Variants in MTF1 observed in about 807,000 individuals in gnomAD.
MTF1 encodes the protein metal regulatory transcription factor 1.
Under a neutral mutation model 70.4 loss-of-function variants are expected in MTF1, and 22 were observed. The ratio of observed to expected loss-of-function variants is 0.31; its 90% CI spans 0.22 to 0.45. MTF1 has a LOEUF of 0.45. MTF1 is among the 20% of genes least tolerant of loss of function. MTF1 has a pLI of 1.00. For missense variants in MTF1, 649 were observed against 922.0 expected (o/e 0.70, Z 3.83); for synonymous variants, 333 against 352.8 (o/e 0.94, Z 0.63).
intron 2 of MTF1, among the ~76,000 whole-genome samples, chr1:37,842,638 G>A (rs772065286): frequency 1.3e-5 from 2 of 152,142 alleles, no homozygotes; most frequent in African/African-American, 2.4e-5. Flanking sequence ...ATCTCCCAAA[G>A]ATCCTCATAT....
rs1450897779 is a variant in MTF1 at position 37,835,675 on chromosome 1, A to G, written c.849T>C (p.His283=). The G allele has an allele frequency of 1.9e-6, 3 of 1,613,960 alleles. No individual in the cohort carries two copies. Among genetic ancestry groups the G allele is most frequent in the African/African-American group, 2.7e-5 (2 of 75,058 alleles). ...SHHLKTHVRT[H]TGERPFFCPS... ...CAAAAATTGGCCTAAACTCACCAGTATGTGTACGAACGTGAGTTTTAAGGT... is the reference window on the plus strand; with the variant it reads ...CAAAAATTGGCCTAAACTCACCAGTGTGTGTACGAACGTGAGTTTTAAGGT... Residue 283 remains histidine (H), a synonymous_variant, in exon 5 of 11, where the codon CAT becomes CAC. Coordinates refer to ENST00000373036, the MANE Select transcript of MTF1 (RefSeq NM_005955.3).
At position 37,840,226 on chromosome 1, in the gene MTF1, A is replaced by T; in HGVS notation, c.409-68T>A. ...CCCAGGGCTTAACTCCCCCACCCAG[A>T]GCTCAGCTCCCAAGAGATGCTGTGG... On this transcript the variant is annotated intron_variant, in intron 2 of 10. Transcript: ENST00000373036. This position sits in a 1 kb window ranked among gnomAD's most constrained non-coding sequence, Gnocchi z 4.5. The T allele has an allele frequency of 7.2e-7, 1 of 1,397,586 alleles. No homozygotes were observed. Among genetic ancestry groups the T allele is most frequent in the Non-Finnish European group, 1.0e-6 (1 of 989,262 alleles). The allele number at this position is 1,397,586 out of a possible 1,614,324, so 86.6% of individuals were successfully genotyped here.
At chr1:37,832,575 G>A (rs1437965237) in intron 6 of MTF1, among the ~76,000 whole-genome samples, 1 of 152,122 alleles carries the variant, frequency 6.6e-6, no homozygotes, top group Non-Finnish European at 1.5e-5. Context: ...CTGGCGCGCT[G>A]CACCCATTAA....
intron 7 of MTF1, among the ~76,000 whole-genome samples, chr1:37,824,277 A>G (rs1640967418): frequency 1.3e-5 from 2 of 152,238 alleles, no homozygotes; most frequent in Admixed American, 1.3e-4. Flanking sequence ...TTTTGCTACA[A>G]TGGCAGAGTT....
rs1159426468 is a variant in MTF1, at chr1:37,840,318, A to G, written c.409-160T>C. The stretch of plus-strand genomic sequence containing the variant: ...TCTAGCAGCAAAGTGGAAAAACCTT[A>G]TTGTTGATCAAATCATACCTGGACA... On this transcript the variant is annotated intron_variant, in intron 2 of 10. Transcript: ENST00000373036. This position sits in a 1 kb window ranked among gnomAD's most constrained non-coding sequence, Gnocchi z 4.5. 6.6e-6 allele frequency among the ~76,000 whole-genome samples: 1 copy of G among 152,212 alleles called. No homozygotes were observed. The highest frequency in any genetic ancestry group is 2.4e-5 in the African/African-American group (1 of 41,450).
chr1:37,835,759 G>C lies in MTF1; in HGVS notation c.780-15C>G, dbSNP rs573173163. On this transcript the variant is annotated splice_polypyrimidine_tract_variant and intron_variant, in intron 4 of 10. Coordinates refer to ENST00000373036, the MANE Select transcript of MTF1 (RefSeq NM_005955.3). The stretch of plus-strand genomic sequence containing the variant: ...CGTGATCGCACCTAAATTTGTTAAG[G>C]AAAGAGAAACAGGAGTCATTAGCTA... 6.2e-7 allele frequency: 1 copy of C among 1,611,010 alleles called. No homozygotes were observed. Among genetic ancestry groups the C allele is most frequent in the African/African-American group, 1.3e-5 (1 of 74,980 alleles).
In MTF1 at chr1:37,817,376, C is replaced by T. The variant is rs759054766; in HGVS notation, c.1831+43G>A. 6 of 1,223,752 alleles carry T rather than the reference C, an allele frequency of 4.9e-6. No individual in the cohort carries two copies. The East Asian group carries it at 1.4e-4, about 28-fold the overall frequency. 75.8% of individuals were successfully genotyped at this position (1,223,752 alleles called of 1,614,324 possible). On this transcript the variant is annotated intron_variant, in intron 10 of 10. Coordinates refer to ENST00000373036, the MANE Select transcript of MTF1 (RefSeq NM_005955.3). Reference sequence around the variant, plus strand: ...AATAATTAGCTGTGCCTCAAGGGACCCACAGAGTTGCCTTCTCTTAAGGCT... The same window carrying T: ...AATAATTAGCTGTGCCTCAAGGGACTCACAGAGTTGCCTTCTCTTAAGGCT...
At chr1:37,859,342 G>A (rs978549923) in intron 1 of MTF1, among the ~76,000 whole-genome samples, 189 bp downstream of exon 1, 3 of 152,176 alleles carry the variant, frequency 2.0e-5, no homozygotes, top group Non-Finnish European at 2.9e-5. Flanking sequence ...GAGGAGAGGG[G>A]CAGGGTCCGG....
intron 7 of MTF1, among the ~76,000 whole-genome samples, chr1:37,830,860 GGA>G (rs1641076041): frequency 6.6e-6 from 1 of 152,152 alleles, no homozygotes; most frequent in Admixed American, 6.5e-5. Flanking sequence ...CCAGAGATTC[GGA>G]GAGAGTTTAT....
At chr1:37,853,078 C>T (rs930121376) in intron 2 of MTF1, among the ~76,000 whole-genome samples, 2 of 152,184 alleles carry the variant, frequency 1.3e-5, no homozygotes, top group Non-Finnish European at 1.5e-5. Context: ...AATGAAACCC[C>T]AAACATAAAC....
rs952567294 is a variant in MTF1 at position 37,811,645 on chromosome 1, C to A, written c.*3491G>T. On this transcript the variant is annotated 3_prime_UTR_variant, in exon 11 of 11. Coordinates refer to ENST00000373036, the MANE Select transcript of MTF1 (RefSeq NM_005955.3). ...ACATTCAGCATTATACAAAGTCTCTCAGGAAAACCCACCCACCCTCCAATA... is the reference window on the plus strand; with the variant it reads ...ACATTCAGCATTATACAAAGTCTCTAAGGAAAACCCACCCACCCTCCAATA... 5.3e-5 allele frequency: 8 copies of A among 152,192 alleles called. No individual in the cohort carries two copies. The highest frequency in any genetic ancestry group is 1.9e-4 in the African/African-American group (8 of 41,446). The allele number at this position is 152,192 out of a possible 1,614,324, so 9.4% of individuals were successfully genotyped here.
intron 4 of MTF1, 126 bp downstream of exon 4, chr1:37,838,499 T>G: frequency 4.4e-5 from 31 of 705,512 alleles, no homozygotes; most frequent in Non-Finnish European, 6.9e-5. Flanking sequence ...TGTCCTGGGG[T>G]GAGCTAACAC....
intron 8 of MTF1, 44 bp from the exon 9 acceptor site, chr1:37,822,760 CT>C: frequency 7.2e-7 from 1 of 1,393,776 alleles, no homozygotes; most frequent in Non-Finnish European, 9.9e-7. Context: ...TATCCCAAGC[CT>C]TAGATGAGCC....
Position 37,851,616 on chromosome 1 carries a change from G to A in MTF1, c.408+5635C>T, listed in dbSNP as rs115775375. 2.1e-3 allele frequency among the ~76,000 whole-genome samples: 326 copies of A among 152,158 alleles called. 1 individual carries two copies. The highest frequency in any genetic ancestry group is 6.8e-3 in the Middle Eastern group (2 of 294). On this transcript the variant is annotated intron_variant, in intron 2 of 10. Coordinates refer to ENST00000373036, the MANE Select transcript of MTF1 (RefSeq NM_005955.3). ...AAATTCTGTGTTTTCTTCCTTCTTA[G>A]CTGTTGGCACATCAAAGGCTCTGAG... is the stretch of plus-strand genomic sequence containing the variant.
rs1640744277 is a variant in MTF1, at chr1:37,811,966, T to C, written c.*3170A>G. 4 of 152,858 alleles carry C rather than the reference T, an allele frequency of 2.6e-5. No homozygotes were observed. The South Asian group carries it at 8.3e-4, about 32-fold the overall frequency. 9.5% of individuals were successfully genotyped at this position (152,858 alleles called of 1,614,324 possible). ...CCTGCCTGGGAAGGGCCAAGTTCAC[T>C]AAGGCAGTTTGGTGGTGCCAGCCAG... On this transcript the variant is annotated 3_prime_UTR_variant, in exon 11 of 11. Coordinates refer to ENST00000373036, the MANE Select transcript of MTF1 (RefSeq NM_005955.3).
In MTF1 at chr1:37,813,310, G is replaced by C. The variant is rs958218450; in HGVS notation, c.*1826C>G. The C allele has an allele frequency of 6.6e-6, 1 of 152,104 alleles. No homozygotes were observed. The highest frequency in any genetic ancestry group is 1.5e-5 in the Non-Finnish European group (1 of 68,028). The allele number at this position is 152,104 out of a possible 1,614,324, so 9.4% of individuals were successfully genotyped here. On this transcript the variant is annotated 3_prime_UTR_variant, in exon 11 of 11. Transcript: ENST00000373036. ...AAAAGAAGTCAATTATTCTGGCTAG[G>C]GTCCTGGAATGAGAAATTGGCTGCT... is the stretch of plus-strand genomic sequence containing the variant.
intron 10 of MTF1, among the ~76,000 whole-genome samples, chr1:37,816,585 G>A (rs1035752193): frequency 6.8e-6 from 1 of 147,606 alleles, no homozygotes; most frequent in East Asian, 2.0e-4. Flanking sequence ...TGAGACATGA[G>A]AATCACTTGA....
At chr1:37,854,526 C>A (rs761321829) in intron 2 of MTF1, among the ~76,000 whole-genome samples, 11 of 152,196 alleles carry the variant, frequency 7.2e-5, no homozygotes, top group Non-Finnish European at 1.2e-4. Context: ...ATCGCCTCCA[C>A]AGTATGACAA....
At chr1:37,823,194 G>A (rs1233172276) in intron 8 of MTF1, among the ~76,000 whole-genome samples, 1 of 152,094 alleles carries the variant, frequency 6.6e-6, no homozygotes, top group African/African-American at 2.4e-5. Context: ...TTAGAACTTT[G>A]GGAGGCTGAG....
Sources: gnomAD v4.1 joint callset for allele counts (sites outside exome capture counted in the v4.1 genomes callset) on GRCh38, gnomAD v4.1.1 for gene constraint, Gnocchi (gnomAD v3.1) non-coding constraint, MANE v1.5 for transcripts, NCBI Gene and HGNC (gene_info 2026-07-23, HGNC 2026-07-21) for gene names.